PRKAG2: variants seen among roughly 807,000 people sequenced by gnomAD.
The protein encoded by PRKAG2 is 5'-AMP-activated protein kinase subunit gamma-2.
PRKAG2 carries 26 observed loss-of-function variants against 69.6 expected under a neutral mutation model. The observed-to-expected ratio is 0.37, with a 90% CI of 0.27 to 0.52. PRKAG2 has a LOEUF of 0.52. PRKAG2 is among the 20% of genes least tolerant of loss of function. The pLI is 0.90. For missense variants in PRKAG2, 557 were observed against 740.0 expected (o/e 0.75, Z 2.87); for synonymous variants, 293 against 285.0 (o/e 1.03, Z -0.28).
intron 4 of PRKAG2, among the ~76,000 whole-genome samples, chr7:151,667,591 G>C (rs1054876321): frequency 3.3e-5 from 5 of 152,196 alleles, no homozygotes; most frequent in Admixed American, 2.0e-4. Flanking sequence ...GGCCAACCCA[G>C]ATCTGGGGAG....
At chr7:151,873,361 A>G (rs34047758) in intron 1 of PRKAG2, among the ~76,000 whole-genome samples, 38,810 of 152,156 alleles carry the variant, frequency 0.26, 5,470 homozygotes, top group African/African-American at 0.36. Context: ...GCCTCTAGAA[A>G]CAGGTGTGGT....
intron 3 of PRKAG2, among the ~76,000 whole-genome samples, chr7:151,702,770 C>T (rs1289212658): frequency 6.6e-6 from 1 of 152,160 alleles, no homozygotes; most frequent in Non-Finnish European, 1.5e-5. Flanking sequence ...GGCACAGCCC[C>T]TAGGATAGCA....
chr7:151,591,056 G>A (rs1046336185), intron 6 of PRKAG2, among the ~76,000 whole-genome samples: 8 of 152,172 alleles, frequency 5.3e-5, no homozygotes, highest in Non-Finnish European at 1.2e-4. Flanking sequence ...TTTGTCATGT[G>A]CCACCTGCAC....
intron 1 of PRKAG2, among the ~76,000 whole-genome samples, chr7:151,817,861 G>A (rs952091879): frequency 5.3e-5 from 8 of 152,138 alleles, no homozygotes; most frequent in Non-Finnish European, 1.0e-4. Flanking sequence ...GCCTGGCTCC[G>A]TACAGCACAT....
chr7:151,617,381 G>A (rs932974756), intron 5 of PRKAG2, among the ~76,000 whole-genome samples: 4 of 151,884 alleles, frequency 2.6e-5, no homozygotes, highest in South Asian at 2.1e-4. Flanking sequence ...CAAATAATCC[G>A]AGTGTGGGGA....
chr7:151,782,327 AGGAAGGAAGGAAGGAGGGAGGGAGGGAG>A (rs1168289103), intron 2 of PRKAG2, among the ~76,000 whole-genome samples: 22 of 47,830 alleles, frequency 4.6e-4, no homozygotes, highest in South Asian at 1.6e-3. Flanking sequence ...GAAGGAAGGA[AGGAAGGAAGGAAGGAGGGAGGGAGGGAG>A]GGAGGGAGGG....
rs113273677 is a variant in PRKAG2, at chr7:151,729,267, G to A, written c.466+51885C>T. ...TCATCCCAAATGCTTCTACTCACTGGCTACAGTGTCCGAAACCCCCCAAAG... is the reference window on the plus strand; with the variant it reads ...TCATCCCAAATGCTTCTACTCACTGACTACAGTGTCCGAAACCCCCCAAAG... On this transcript the variant is annotated intron_variant, in intron 3 of 15. Coordinates refer to ENST00000287878, the MANE Select transcript of PRKAG2 (RefSeq NM_016203.4). 4.6e-5 allele frequency among the ~76,000 whole-genome samples: 7 copies of A among 152,222 alleles called. 2 individuals are homozygous for A. The highest frequency in any genetic ancestry group is 1.2e-4 in the African/African-American group (5 of 41,520).
intron 5 of PRKAG2, among the ~76,000 whole-genome samples, chr7:151,607,003 G>T (rs564476997): frequency 2.0e-5 from 3 of 152,280 alleles, no homozygotes; most frequent in African/African-American, 4.8e-5. Context: ...TTGAGTTACT[G>T]CTCTACAAAA....
intron 1 of PRKAG2, among the ~76,000 whole-genome samples, chr7:151,795,890 T>TATACATAA (rs1491286413): frequency 3.1e-5 from 3 of 96,604 alleles, no homozygotes; most frequent in Admixed American, 1.3e-4. Flanking sequence ...TATATATATA[T>TATACATAA]CACGATAATA....
chr7:151,622,441 C>T (rs1821753821), intron 5 of PRKAG2, among the ~76,000 whole-genome samples: 1 of 152,068 alleles, frequency 6.6e-6, no homozygotes, highest in South Asian at 2.1e-4. Context: ...AATCAAAACA[C>T]AAAAAAACCA....
chr7:151,698,469 G>A (rs1398249104), intron 3 of PRKAG2, among the ~76,000 whole-genome samples: 2 of 152,124 alleles, frequency 1.3e-5, no homozygotes, highest in African/African-American at 4.8e-5. Flanking sequence ...GGTCATGGGG[G>A]CGAATGTCGT....
At chr7:151,591,258 C>CT (rs1276551276) in intron 6 of PRKAG2, among the ~76,000 whole-genome samples, 1 of 152,264 alleles carries the variant, frequency 6.6e-6, no homozygotes, top group African/African-American at 2.4e-5. Context: ...TAGACGGAGT[C>CT]TGCTTTACCT....
At chr7:151,745,387 C>T (rs534317281) in intron 3 of PRKAG2, among the ~76,000 whole-genome samples, 4 of 152,286 alleles carry the variant, frequency 2.6e-5, no homozygotes, top group East Asian at 1.9e-4. Context: ...ACTCTGAGAT[C>T]GCCACGTCGC....
rs1333507422 is a variant in PRKAG2, at chr7:151,556,875, A to G, written c.*326T>C. On this transcript the variant is annotated 3_prime_UTR_variant, in exon 16 of 16. Transcript: ENST00000287878. ...TGTGATCTGAACATACCGTGCACTC[A>G]CCTTATGCCACATCACCTGTTCCAT... is the stretch of plus-strand genomic sequence containing the variant. 2.6e-6 allele frequency: 1 copy of G among 388,720 alleles called. No individual in the cohort carries two copies. Among genetic ancestry groups the G allele is most frequent in the East Asian group, 5.9e-5 (1 of 16,858 alleles). 24.1% of individuals were successfully genotyped at this position (388,720 alleles called of 1,614,324 possible).
At position 151,614,039 on chromosome 7, in the gene PRKAG2, G is replaced by A. The variant is rs1819512994; in HGVS notation, c.754+18030C>T. Among the ~76,000 whole-genome samples the A allele has an allele frequency of 6.6e-6, 1 of 152,114 alleles. No individual in the cohort carries two copies. ...GCTGGTCTCGAACTTCTGACCTCAGGTGATCCACCTTACCTCCAACTCAGA... is the reference window on the plus strand; with the variant it reads ...GCTGGTCTCGAACTTCTGACCTCAGATGATCCACCTTACCTCCAACTCAGA... On this transcript the variant is annotated intron_variant, in intron 5 of 15. Coordinates refer to ENST00000287878, the MANE Select transcript of PRKAG2 (RefSeq NM_016203.4). This position sits in a 1 kb window ranked among gnomAD's most constrained non-coding sequence, Gnocchi z 4.4.
chr7:151,598,411 G>T (rs1166025014), intron 5 of PRKAG2, among the ~76,000 whole-genome samples: 1 of 152,108 alleles, frequency 6.6e-6, no homozygotes, highest in Non-Finnish European at 1.5e-5. Context: ...ATAACGTATT[G>T]TATAGTTCAA....
At chr7:151,679,228 C>A (rs533372806) in intron 3 of PRKAG2, among the ~76,000 whole-genome samples, 1 of 152,240 alleles carries the variant, frequency 6.6e-6, no homozygotes, top group African/African-American at 2.4e-5. Flanking sequence ...CTCGGGGAGG[C>A]CTGCCCGGGG....
At chr7:151,709,929 G>A (rs891598229) in intron 3 of PRKAG2, among the ~76,000 whole-genome samples, 4 of 152,210 alleles carry the variant, frequency 2.6e-5, no homozygotes, top group African/African-American at 7.2e-5. Flanking sequence ...GACACTGAGT[G>A]ACGTGTGACA....
At chr7:151,857,831 G>A (rs992736658) in intron 1 of PRKAG2, among the ~76,000 whole-genome samples, 13 of 152,288 alleles carry the variant, frequency 8.5e-5, no homozygotes, top group Middle Eastern at 3.4e-3. Context: ...ATCAGAAGGC[G>A]GGCATACAAT....
Sources: gnomAD v4.1 joint callset for allele counts (sites outside exome capture counted in the v4.1 genomes callset) on GRCh38, gnomAD v4.1.1 for gene constraint, Gnocchi (gnomAD v3.1) non-coding constraint, MANE v1.5 for transcripts, NCBI Gene and HGNC (gene_info 2026-07-23, HGNC 2026-07-21) for gene names.